The following B4GALT7 variants were observed in gnomAD, a reference collection of about 807,000 sequenced individuals.
The protein encoded by B4GALT7 is UDP-Gal:beta-GlcNAc beta-1,4-galactosyltransferase 7.
In B4GALT7, 30 loss-of-function variants were observed where a neutral mutation model predicts 33.0. The ratio of observed to expected loss-of-function variants is 0.91; its 90% confidence interval spans 0.68 to 1.23. The LOEUF is 1.23. Ranked by LOEUF, B4GALT7 falls within the 50% of genes most tolerant of loss-of-function variation. The pLI is 0.00. For missense variants in B4GALT7, 507 were observed against 450.8 expected, an observed-to-expected ratio of 1.12 and a Z score of -1.13; for synonymous variants, 213 against 187.2, an observed-to-expected ratio of 1.14 and a Z score of -1.13.
At position 177,600,382 on chromosome 5, in the gene B4GALT7, TGTGGTTCTCCCTGTGG is replaced by T. The variant is rs1767813256; in HGVS notation, c.50+125_50+140del. ...ATGTCTGCGGGTTTCTGTGAGGGCG[TGTGGTTCTCCCTGTGG>T]GTCCCTGGCGCTCTGTTCCGGTTTC... On this transcript the variant is annotated intron_variant, in intron 1 of 5. Transcript: ENST00000029410. This position sits in a 1 kb window ranked among gnomAD's most constrained non-coding sequence, Gnocchi z 4.4. 6.1e-6 allele frequency: 5 copies of T among 813,650 alleles called. No homozygotes were observed. The highest frequency in any genetic ancestry group is 8.2e-6 in the Non-Finnish European group (5 of 606,740). The allele number at this position is 813,650 out of a possible 1,614,324, so 50.4% of individuals were successfully genotyped here. A position where few individuals can be genotyped will look rare whatever the true frequency, so the allele number is the denominator to read the frequency against.
At chr5:177,607,645 C>A in intron 3 of B4GALT7, 118 bp downstream of exon 3, 2 of 1,027,556 alleles carry the variant, frequency 1.9e-6, no homozygotes, top group Admixed American at 2.1e-5. Context: ...CCTGGCCTAG[C>A]AGGAGAACTT....
rs768324511 is a variant in B4GALT7, at chr5:177,604,995, G to C, written c.413+454G>C. The C allele has an allele frequency of 7.5e-5, 34 of 456,070 alleles. 2 individuals carry two copies. Among genetic ancestry groups the C allele is most frequent in the South Asian group, 5.1e-4 (33 of 64,554 alleles). 28.3% of individuals were successfully genotyped at this position (456,070 alleles called of 1,614,324 possible). A position where few individuals can be genotyped will look rare whatever the true frequency, so the allele number is the denominator to read the frequency against. On this transcript the variant is annotated intron_variant, in intron 2 of 5. Coordinates refer to ENST00000029410, the MANE Select transcript of B4GALT7 (RefSeq NM_007255.3). ...CTTACCAAAAAGTGCTCCCTTCCAT[G>C]ACCACAGCCTGAGATCTCACCCACC...
At chr5:177,603,715 C>T (rs1487604571) in intron 1 of B4GALT7, among the ~76,000 whole-genome samples, 1 of 152,132 alleles carries the variant, frequency 6.6e-6, no homozygotes, top group Non-Finnish European at 1.5e-5. Flanking sequence ...GATGGAGCCA[C>T]GGTTTCTGCT....
intron 2 of B4GALT7, chr5:177,605,212 C>T (rs1248958098): frequency 8.4e-6 from 3 of 359,222 alleles, no homozygotes; most frequent in Admixed American, 3.7e-5. Flanking sequence ...TAAAACCCTC[C>T]CTGGCATACT....
In B4GALT7 at chr5:177,609,923, GGT is replaced by G. The variant is rs1768131006; in HGVS notation, c.*233_*234del. On this transcript the variant is annotated 3_prime_UTR_variant, in exon 6 of 6. Coordinates refer to ENST00000029410, the MANE Select transcript of B4GALT7 (RefSeq NM_007255.3). ...TGCACAGTGATCAGAGAGAGGCTGG[GGT>G]GTGTCCTGTCCGGGACCCCCCCTGC... 1.6e-6 allele frequency: 1 copy of G among 606,434 alleles called. No homozygotes were observed. Among genetic ancestry groups the G allele is most frequent in the Non-Finnish European group, 2.9e-6 (1 of 341,500 alleles). 37.6% of individuals were successfully genotyped at this position (606,434 alleles called of 1,614,324 possible).
At position 177,600,361 on chromosome 5, in the gene B4GALT7, C is replaced by A; in HGVS notation, c.50+101C>A. The stretch of plus-strand genomic sequence containing the variant: ...ACCCGAGGCCATCACGTCTCCATGT[C>A]TGCGGGTTTCTGTGAGGGCGTGTGG... On this transcript the variant is annotated intron_variant, in intron 1 of 5. Coordinates refer to ENST00000029410, the MANE Select transcript of B4GALT7 (RefSeq NM_007255.3). This position sits in a 1 kb window ranked among gnomAD's most constrained non-coding sequence, Gnocchi z 4.4. The A allele has an allele frequency of 1.0e-6, 1 of 997,046 alleles. No individual in the cohort carries two copies. Among genetic ancestry groups the A allele is most frequent in the Non-Finnish European group, 1.3e-6 (1 of 770,494 alleles). 61.8% of individuals were successfully genotyped at this position (997,046 alleles called of 1,614,324 possible).
In B4GALT7 at chr5:177,609,949, G is replaced by A. The variant is rs1581997884; in HGVS notation, c.*254G>A. The A allele has an allele frequency of 7.2e-6, 4 of 554,562 alleles. No homozygotes were observed. In the East Asian group the frequency reaches 1.3e-4, roughly 17 times the overall value. The allele number at this position is 554,562 out of a possible 1,614,324, so 34.4% of individuals were successfully genotyped here. A position where few individuals can be genotyped will look rare whatever the true frequency, so the allele number is the denominator to read the frequency against. ...GTGTGTCCTGTCCGGGACCCCCCCTGCCTTCCTGCTCACCCTACTCTGACC... is the reference window on the plus strand; with the variant it reads ...GTGTGTCCTGTCCGGGACCCCCCCTACCTTCCTGCTCACCCTACTCTGACC... On this transcript the variant is annotated 3_prime_UTR_variant, in exon 6 of 6. Transcript: ENST00000029410.
At position 177,609,846 on chromosome 5, in the gene B4GALT7, G is replaced by A. The variant is rs1014443221; in HGVS notation, c.*151G>A. Reference sequence around the variant, plus strand: ...CAATTGCAGCCACCCGGCCGCCAAGGCAGGCTTGGGCTGGGCCAGGACACG... The same window carrying A: ...CAATTGCAGCCACCCGGCCGCCAAGACAGGCTTGGGCTGGGCCAGGACACG... On this transcript the variant is annotated 3_prime_UTR_variant, in exon 6 of 6. Transcript: ENST00000029410. The A allele has an allele frequency of 5.6e-6, 6 of 1,062,262 alleles. No individual in the cohort carries two copies. Among genetic ancestry groups the A allele is most frequent in the Admixed American group, 4.2e-5 (2 of 47,814 alleles). The allele number at this position is 1,062,262 out of a possible 1,614,324, so 65.8% of individuals were successfully genotyped here.
In B4GALT7 at chr5:177,602,930, T is replaced by A. The variant is rs537215367; in HGVS notation, c.51-1249T>A. ...TGGAGTCTCGCTCTGTTGCCCAGGC[T>A]GGAGTGCAGTGGCGTGATCTCAGCT... On this transcript the variant is annotated intron_variant, in intron 1 of 5. Transcript: ENST00000029410. 74 of 780,516 alleles carry A rather than the reference T, an allele frequency of 9.5e-5. 1 individual carries two copies. In the South Asian group the frequency reaches 3.7e-3, roughly 39 times the overall value. 48.3% of individuals were successfully genotyped at this position (780,516 alleles called of 1,614,324 possible). A position where few individuals can be genotyped will look rare whatever the true frequency, so the allele number is the denominator to read the frequency against.
chr5:177,601,996 T>A (rs1767862257), intron 1 of B4GALT7, among the ~76,000 whole-genome samples: 1 of 152,092 alleles, frequency 6.6e-6, no homozygotes, highest in Admixed American at 6.5e-5. Context: ...TCCACGCCGT[T>A]CCCCTGGATA....
intron 1 of B4GALT7, chr5:177,601,450 G>A (rs1767840239): frequency 6.6e-6 from 1 of 152,262 alleles, no homozygotes; most frequent in Non-Finnish European, 1.5e-5. Context: ...AACCAGAGCA[G>A]CTGAGGATTC....
rs1768137448 is a variant in B4GALT7, at chr5:177,610,093, A to T, written c.*398A>T. ...CGTGCAGAGACACAGTGTAGGGGCC[A>T]TGCAGCTGGCGTAGGTGGCAGTTGG... On this transcript the variant is annotated 3_prime_UTR_variant, in exon 6 of 6. Transcript: ENST00000029410. The T allele has an allele frequency of 3.8e-6, 1 of 264,770 alleles. No homozygotes were observed. Among genetic ancestry groups the T allele is most frequent in the South Asian group, 4.5e-5 (1 of 22,366 alleles). The allele number at this position is 264,770 out of a possible 1,614,324, so 16.4% of individuals were successfully genotyped here. A position where few individuals can be genotyped will look rare whatever the true frequency, so the allele number is the denominator to read the frequency against.
chr5:177,606,625 C>T lies in B4GALT7; in HGVS notation c.414-677C>T, dbSNP rs1297303563. 4 of 159,608 alleles carry T rather than the reference C, an allele frequency of 2.5e-5. 1 individual carries two copies. Among genetic ancestry groups the T allele is most frequent in the South Asian group, 3.5e-4 (2 of 5,650 alleles). 9.9% of individuals were successfully genotyped at this position (159,608 alleles called of 1,614,324 possible). ...GTCTCTTCCAGCACAACAGCTAGGG[C>T]GGTCCTGTCCAGGCATAAGTCACAG... On this transcript the variant is annotated intron_variant, in intron 2 of 5. Transcript: ENST00000029410. This position sits in a 1 kb window ranked among gnomAD's most constrained non-coding sequence, Gnocchi z 4.2.
chr5:177,609,993 C>T lies in B4GALT7; in HGVS notation c.*298C>T, dbSNP rs926102343. 2.1e-6 allele frequency: 1 copy of T among 470,620 alleles called. No homozygotes were observed. Among genetic ancestry groups the T allele is most frequent in the Admixed American group, 3.4e-5 (1 of 29,694 alleles). The allele number at this position is 470,620 out of a possible 1,614,324, so 29.2% of individuals were successfully genotyped here. On this transcript the variant is annotated 3_prime_UTR_variant, in exon 6 of 6. Transcript: ENST00000029410. Reference sequence around the variant, plus strand: ...TCTGACCTCCTTCACGTGCCCAGGCCTGTGGGTAGTGGGGAGGGCTGAACA... The same window carrying T: ...TCTGACCTCCTTCACGTGCCCAGGCTTGTGGGTAGTGGGGAGGGCTGAACA...
At position 177,600,345 on chromosome 5, in the gene B4GALT7, C is replaced by T. The variant is rs1167716746; in HGVS notation, c.50+85C>T. The T allele has an allele frequency of 4.5e-6, 5 of 1,104,936 alleles. No individual in the cohort carries two copies. Among genetic ancestry groups the T allele is most frequent in the Non-Finnish European group, 5.8e-6 (5 of 863,876 alleles). 68.4% of individuals were successfully genotyped at this position (1,104,936 alleles called of 1,614,324 possible). ...CCGGCGGAATCTGGGAACCCGAGGC[C>T]ATCACGTCTCCATGTCTGCGGGTTT... On this transcript the variant is annotated intron_variant, in intron 1 of 5. Coordinates refer to ENST00000029410, the MANE Select transcript of B4GALT7 (RefSeq NM_007255.3). The surrounding 1 kb of genome is among the most constrained non-coding windows in gnomAD (Gnocchi z 4.4).
intron 3 of B4GALT7, 95 bp downstream of exon 3, chr5:177,607,622 G>A: frequency 8.1e-7 from 1 of 1,238,654 alleles, no homozygotes. Flanking sequence ...GGGCCCAGCA[G>A]ATGGAGCCCT....
chr5:177,604,351 TGCCCCCCAGAGCC>T lies in B4GALT7; in HGVS notation c.230_242del (p.Pro77LeufsTer39). The T allele has an allele frequency of 6.2e-7, 1 of 1,611,844 alleles. No homozygotes were observed. Among genetic ancestry groups the T allele is most frequent in the Non-Finnish European group, 8.5e-7 (1 of 1,178,996 alleles). On this transcript the variant is annotated frameshift_variant, in exon 2 of 6. Transcript: ENST00000029410. LOFTEE classifies it high-confidence loss of function. ...GGAGACCTCGGGCCCTCCCCGTGCCTGCCCCCCAGAGCCGCCCCCTGAGCACTGGGAAGAAGAC... is the reference window on the plus strand; with the variant it reads ...GGAGACCTCGGGCCCTCCCCGTGCCTGCCCCCTGAGCACTGGGAAGAAGAC...
At chr5:177,601,273 T>A (rs1268900745) in intron 1 of B4GALT7, among the ~76,000 whole-genome samples, 1 of 152,214 alleles carries the variant, frequency 6.6e-6, no homozygotes, top group Non-Finnish European at 1.5e-5. Flanking sequence ...GACCCCTGCA[T>A]CTGTCCGACC....
At chr5:177,601,949 G>A (rs930459356) in intron 1 of B4GALT7, among the ~76,000 whole-genome samples, 1 of 152,214 alleles carries the variant, frequency 6.6e-6, no homozygotes, top group Non-Finnish European at 1.5e-5. Flanking sequence ...GAGCAGGGCC[G>A]AGGGAATTAG....
Sources: gnomAD v4.1 joint callset for allele counts (sites outside exome capture counted in the v4.1 genomes callset) on GRCh38, gnomAD v4.1.1 for gene constraint, Gnocchi (gnomAD v3.1) non-coding constraint, MANE v1.5 for transcripts, NCBI Gene and HGNC (gene_info 2026-07-23, HGNC 2026-07-21) for gene names.